CNTN3: variants seen among roughly 807,000 people sequenced by gnomAD.
CNTN3 encodes the protein contactin 3.
A neutral mutation model predicts 119.1 loss-of-function variants in CNTN3; 60 were observed. That is an observed-to-expected ratio of 0.50 (90% CI 0.41 to 0.62). The LOEUF (loss-of-function observed/expected upper bound fraction) is 0.62. Among genes scored for constraint, CNTN3 ranks in the 20% least tolerant of loss-of-function variants. The pLI, the probability that CNTN3 is intolerant of heterozygous loss-of-function variation, is 0.00. For synonymous variants in CNTN3, 450 were observed against 438.7 expected (o/e 1.03, Z -0.32); for missense variants, 1,101 against 1,242.4 (o/e 0.89, Z 1.71).
intron 1 of CNTN3, among the ~76,000 whole-genome samples, chr3:74,548,759 A>G (rs79031131): frequency 2.0e-5 from 3 of 152,182 alleles, no homozygotes; most frequent in Admixed American, 1.3e-4. Flanking sequence ...ACTGAGAAAA[A>G]GTTCAAAGTT....
chr3:74,469,650 T>G (rs2106997617), intron 4 of CNTN3, among the ~76,000 whole-genome samples: 1 of 152,268 alleles, frequency 6.6e-6, no homozygotes, highest in East Asian at 1.9e-4. Flanking sequence ...CACAATACGA[T>G]ACCCCTTCGT....
chr3:74,522,291 C>T (rs563674249), intron 1 of CNTN3, among the ~76,000 whole-genome samples: 6 of 151,904 alleles, frequency 3.9e-5, no homozygotes, highest in South Asian at 2.1e-4. Flanking sequence ...GATGGAATTG[C>T]GGCTAGAATG....
intron 1 of CNTN3, among the ~76,000 whole-genome samples, chr3:74,541,719 T>A (rs938495515): frequency 6.6e-6 from 1 of 152,216 alleles, no homozygotes; most frequent in Non-Finnish European, 1.5e-5. Context: ...CATGAGAGTT[T>A]ATTTTATTGT....
Position 74,536,848 on chromosome 3 carries a change from A to G in CNTN3, c.-80-15656T>C, listed in dbSNP as rs192845773. Among the ~76,000 whole-genome samples the G allele has an allele frequency of 3.0e-3, 456 of 152,258 alleles. 4 individuals carry two copies. The highest frequency in any genetic ancestry group is 2.2e-3 in the Non-Finnish European group (149 of 68,008). On this transcript the variant is annotated intron_variant, in intron 1 of 22. Transcript: ENST00000263665. ...CTCAAGGTACTTAGAATCTGAGGAT[A>G]TTAAAGAACCAGGTAGGCCTTATAA...
In CNTN3 at chr3:74,264,459, T is replaced by G; in HGVS notation, c.3029A>C (p.His1010Pro). 6.2e-7 allele frequency: 1 copy of G among 1,612,422 alleles called. No individual in the cohort carries two copies. Among genetic ancestry groups the G allele is most frequent in the Non-Finnish European group, 8.5e-7 (1 of 1,178,876 alleles). Residue 1010 changes from histidine to proline, a missense_variant, in exon 23 of 23, where the codon CAC (histidine) becomes CCC (proline). His to Pro is a moderately conservative substitution (Grantham distance 77, BLOSUM62 -2). Transcript: ENST00000263665. ...RGSTSAISNVHPMSSYMPIVL... is the reference protein window; with the variant it reads ...RGSTSAISNVPPMSSYMPIVL... ...TATAGGCATATAACTTGACATAGGGTGGACATTCGAGATGGCTGAAGTGGA... is the reference window on the plus strand; with the variant it reads ...TATAGGCATATAACTTGACATAGGGGGGACATTCGAGATGGCTGAAGTGGA...
chr3:74,577,433 G>C (rs564734074), intron 1 of CNTN3, among the ~76,000 whole-genome samples: 167 of 152,070 alleles, frequency 1.1e-3, no homozygotes, highest in African/African-American at 3.4e-3. Context: ...AGAGTGGGGG[G>C]GAAAAAGAAT....
intron 4 of CNTN3, among the ~76,000 whole-genome samples, chr3:74,452,158 T>C (rs1307521923): frequency 7.0e-6 from 1 of 142,354 alleles, no homozygotes; most frequent in Non-Finnish European, 1.5e-5. Context: ...CATGGAATGT[T>C]CTTCCATTTG....
chr3:74,368,723 A>T (rs930005393), intron 8 of CNTN3, among the ~76,000 whole-genome samples: 2 of 152,112 alleles, frequency 1.3e-5, no homozygotes, highest in African/African-American at 4.8e-5. Context: ...GAAGGGATAG[A>T]ATAACACTGA....
Position 74,461,017 on chromosome 3 carries a change from T to C in CNTN3, c.358+25439A>G, listed in dbSNP as rs73114639. Among the ~76,000 whole-genome samples the C allele has an allele frequency of 2.4e-3, 358 of 151,658 alleles. 3 individuals carry two copies. The highest frequency in any genetic ancestry group is 4.5e-3 in the Non-Finnish European group (303 of 67,790). On this transcript the variant is annotated intron_variant, in intron 4 of 22. Transcript: ENST00000263665. ...TTTTTATGAAGTTAAAATAATTACCTTGAATTCCTCTGATTTCATGAGAAA... is the reference window on the plus strand; with the variant it reads ...TTTTTATGAAGTTAAAATAATTACCCTGAATTCCTCTGATTTCATGAGAAA...
intron 4 of CNTN3, among the ~76,000 whole-genome samples, chr3:74,465,589 G>A (rs1702447049): frequency 6.6e-6 from 1 of 152,158 alleles, no homozygotes; most frequent in African/African-American, 2.4e-5. Context: ...TATCTATCCA[G>A]AAGTCATTGT....
chr3:74,384,329 C>T (rs1427086525), intron 5 of CNTN3, among the ~76,000 whole-genome samples: 1 of 152,186 alleles, frequency 6.6e-6, no homozygotes, highest in African/African-American at 2.4e-5. Context: ...AACAGATCTC[C>T]TTGTGAAAAG....
At chr3:74,610,648 T>A (rs953949669) in intron 1 of CNTN3, among the ~76,000 whole-genome samples, 2 of 151,856 alleles carry the variant, frequency 1.3e-5, no homozygotes, top group Non-Finnish European at 2.9e-5. Context: ...CTAATTTAAC[T>A]TACATTAAAA....
rs117440344 is a variant in CNTN3, at chr3:74,466,295, C to T, written c.358+20161G>A. 4.6e-5 allele frequency among the ~76,000 whole-genome samples: 7 copies of T among 152,222 alleles called. No individual in the cohort carries two copies. In the East Asian group the frequency reaches 9.7e-4, roughly 21 times the overall value. Reference sequence around the variant, plus strand: ...GTCTTGCTGGACACTTTCTTGCACACGGACTCAGGGCCTATTGAAGACAAA... The same window carrying T: ...GTCTTGCTGGACACTTTCTTGCACATGGACTCAGGGCCTATTGAAGACAAA... On this transcript the variant is annotated intron_variant, in intron 4 of 22. Coordinates refer to ENST00000263665, the MANE Select transcript of CNTN3 (RefSeq NM_020872.3).
chr3:74,578,781 T>A (rs1331800822), intron 1 of CNTN3, among the ~76,000 whole-genome samples: 1 of 152,092 alleles, frequency 6.6e-6, no homozygotes, highest in Non-Finnish European at 1.5e-5. Context: ...ACTCTAGTGA[T>A]GTAATACATC....
At chr3:74,408,398 G>C (rs148596458) in intron 5 of CNTN3, among the ~76,000 whole-genome samples, 1 of 152,222 alleles carries the variant, frequency 6.6e-6, no homozygotes, top group African/African-American at 2.4e-5. Flanking sequence ...AACAGTGGTC[G>C]GTTTTTCAAA....
At position 74,442,317 on chromosome 3, in the gene CNTN3, T is replaced by C. The variant is rs183517081; in HGVS notation, c.359-17377A>G. 1.2e-3 allele frequency among the ~76,000 whole-genome samples: 176 copies of C among 152,248 alleles called. 1 individual carries two copies. Among genetic ancestry groups the C allele is most frequent in the Admixed American group, 5.2e-4 (8 of 15,276 alleles). ...CTTTTTCTAGGCTAAGGTCTATCACTAAACATGTCAGCTCTGCTTGCATTT... is the reference window on the plus strand; with the variant it reads ...CTTTTTCTAGGCTAAGGTCTATCACCAAACATGTCAGCTCTGCTTGCATTT... On this transcript the variant is annotated intron_variant, in intron 4 of 22. Coordinates refer to ENST00000263665, the MANE Select transcript of CNTN3 (RefSeq NM_020872.3).
intron 5 of CNTN3, among the ~76,000 whole-genome samples, chr3:74,381,048 A>T (rs943141514): frequency 6.6e-6 from 1 of 151,640 alleles, no homozygotes; most frequent in Admixed American, 6.6e-5. Flanking sequence ...AAAGCTGGAG[A>T]AATTGTTTTT....
intron 4 of CNTN3, among the ~76,000 whole-genome samples, chr3:74,428,087 T>C (rs1701724728): frequency 1.3e-5 from 2 of 152,144 alleles, no homozygotes; most frequent in African/African-American, 4.8e-5. Context: ...AATATATTAC[T>C]CCTGAGTTTG....
At chr3:74,317,849 C>T (rs555929231) in intron 13 of CNTN3, among the ~76,000 whole-genome samples, 239 of 152,134 alleles carry the variant, frequency 1.6e-3, no homozygotes, top group African/African-American at 5.5e-3. Flanking sequence ...TATCTTTGTG[C>T]CGTTCTCTGT....
Sources: allele counts gnomAD v4.1 joint callset (sites outside exome capture counted in the v4.1 genomes callset), GRCh38; gene constraint gnomAD v4.1.1; transcripts MANE v1.5; gene names NCBI Gene and HGNC (gene_info 2026-07-23, HGNC 2026-07-21).